The following SPIDR variants were observed in gnomAD, a reference collection of about 807,000 sequenced individuals.
The protein encoded by SPIDR is scaffold protein involved in DNA repair.
SPIDR carries 93 observed loss-of-function variants against 104.6 expected under a neutral mutation model. That is an observed-to-expected ratio of 0.89 (90% CI 0.75 to 1.06). SPIDR has a LOEUF of 1.06. Among genes scored for constraint, SPIDR ranks in the 50% least tolerant of loss-of-function variants. The pLI, the probability that SPIDR is intolerant of heterozygous loss-of-function variation, is 0.00. For synonymous variants in SPIDR, 431 were observed against 416.9 expected, an observed-to-expected ratio of 1.03 and a Z score of -0.41; for missense variants, 1,154 against 1,111.2, an observed-to-expected ratio of 1.04 and a Z score of -0.55.
At chr8:47,467,121 GGAT>G (rs2074992585) in intron 8 of SPIDR, among the ~76,000 whole-genome samples, 1 of 151,904 alleles carries the variant, frequency 6.6e-6, no homozygotes, top group South Asian at 2.1e-4. Flanking sequence ...TAGAGGGAAT[GGAT>G]AAATTCCTGG....
intron 8 of SPIDR, among the ~76,000 whole-genome samples, chr8:47,564,587 G>A (rs1222404080): frequency 1.3e-5 from 2 of 151,860 alleles, no homozygotes. Flanking sequence ...GGCTGAGGCA[G>A]GAGAATCTCT....
chr8:47,538,463 G>T (rs2087381239), intron 8 of SPIDR, among the ~76,000 whole-genome samples: 1 of 152,132 alleles, frequency 6.6e-6, no homozygotes, highest in South Asian at 2.1e-4. Context: ...AGAATTGCTT[G>T]AACCTGGGAG....
chr8:47,354,426 A>T (rs2054136910), intron 5 of SPIDR, among the ~76,000 whole-genome samples: 1 of 151,792 alleles, frequency 6.6e-6, no homozygotes, highest in South Asian at 2.1e-4. Context: ...GAGCTTATTG[A>T]TCACTCATTT....
intron 8 of SPIDR, among the ~76,000 whole-genome samples, chr8:47,516,082 T>TC (rs2083094879): frequency 6.6e-6 from 1 of 152,232 alleles, no homozygotes; most frequent in East Asian, 1.9e-4. Context: ...GTGCTGGGAT[T>TC]ACAGGCGTGA....
intron 10 of SPIDR, among the ~76,000 whole-genome samples, chr8:47,608,670 T>G (rs1278669215): frequency 6.6e-6 from 1 of 152,236 alleles, no homozygotes; most frequent in Non-Finnish European, 1.5e-5. Context: ...GGTATCTCAT[T>G]GTGGCTTTGA....
chr8:47,522,033 A>G (rs1169899904), intron 8 of SPIDR, among the ~76,000 whole-genome samples: 1 of 151,948 alleles, frequency 6.6e-6, no homozygotes, highest in Non-Finnish European at 1.5e-5. Context: ...GCATGGTGGC[A>G]GGTGCCTGTA....
At chr8:47,428,891 C>T (rs1451072305) in intron 7 of SPIDR, among the ~76,000 whole-genome samples, 1 of 152,164 alleles carries the variant, frequency 6.6e-6, no homozygotes, top group Non-Finnish European at 1.5e-5. Context: ...TGGATTATCT[C>T]CAGCTTCCCT....
intron 8 of SPIDR, among the ~76,000 whole-genome samples, chr8:47,586,163 T>G (rs1274139892): frequency 6.6e-6 from 1 of 152,216 alleles, no homozygotes; most frequent in Non-Finnish European, 1.5e-5. Context: ...GTTGCCAGTT[T>G]GGGACTATTA....
chr8:47,507,072 C>T (rs1407107821), intron 8 of SPIDR, among the ~76,000 whole-genome samples: 1 of 152,186 alleles, frequency 6.6e-6, no homozygotes, highest in Non-Finnish European at 1.5e-5. Context: ...AGAGCCTTCT[C>T]TCCAGTAAGC....
chr8:47,460,284 C>T (rs1266817250), intron 8 of SPIDR, among the ~76,000 whole-genome samples: 1 of 152,004 alleles, frequency 6.6e-6, no homozygotes, highest in Non-Finnish European at 1.5e-5. Flanking sequence ...TTACTTATGT[C>T]TAGTAGTAAT....
intron 5 of SPIDR, among the ~76,000 whole-genome samples, chr8:47,362,024 T>C (rs573042826): frequency 4.6e-5 from 7 of 152,312 alleles, no homozygotes; most frequent in African/African-American, 1.7e-4. Flanking sequence ...GTATCCACAG[T>C]GAGCCCAGCA....
intron 16 of SPIDR, among the ~76,000 whole-genome samples, chr8:47,725,078 A>G (rs968011916): frequency 1.1e-4 from 16 of 152,198 alleles, no homozygotes; most frequent in Non-Finnish European, 1.6e-4. Context: ...GTGAGCCCTG[A>G]CTTCTTTCCA....
At chr8:47,441,862 CA>C (rs1554697440) in intron 8 of SPIDR, among the ~76,000 whole-genome samples, 1 of 151,896 alleles carries the variant, frequency 6.6e-6, no homozygotes, top group East Asian at 1.9e-4. Context: ...TATTTTTTTC[CA>C]AATGGCCACG....
chr8:47,346,600 A>C (rs971771752), intron 5 of SPIDR, among the ~76,000 whole-genome samples: 1 of 152,098 alleles, frequency 6.6e-6, no homozygotes, highest in Admixed American at 6.5e-5. Context: ...CTGGTCCTGG[A>C]CTTTTTTTGC....
chr8:47,680,573 G>A (rs920680714), intron 11 of SPIDR, among the ~76,000 whole-genome samples: 5 of 152,192 alleles, frequency 3.3e-5, no homozygotes, highest in African/African-American at 9.7e-5. Context: ...AGAGCTCTCC[G>A]TGGGTAAGAA....
At chr8:47,350,106 A>T (rs1249771944) in intron 5 of SPIDR, among the ~76,000 whole-genome samples, 2 of 152,194 alleles carry the variant, frequency 1.3e-5, no homozygotes, top group African/African-American at 4.8e-5. Flanking sequence ...TCTTGGAATG[A>T]TCGGGTTTTT....
chr8:47,609,415 G>T (rs1483613344), intron 10 of SPIDR, among the ~76,000 whole-genome samples: 3 of 152,142 alleles, frequency 2.0e-5, no homozygotes, highest in Admixed American at 6.5e-5. Flanking sequence ...GAGTTAATTT[G>T]TGTGTATGGT....
At chr8:47,303,212 G>A (rs2042505923) in intron 5 of SPIDR, among the ~76,000 whole-genome samples, 2 of 152,216 alleles carry the variant, frequency 1.3e-5, no homozygotes. Context: ...CTAGCAATGA[G>A]CGAGGCTCCG....
chr8:47,325,135 TATAA>T (rs2047443570), intron 5 of SPIDR, among the ~76,000 whole-genome samples: 1 of 152,200 alleles, frequency 6.6e-6, no homozygotes, highest in Non-Finnish European at 1.5e-5. Context: ...CAATTTAGCC[TATAA>T]TAGTGCTATA....
Sources: gnomAD v4.1 joint callset for allele counts (sites outside exome capture counted in the v4.1 genomes callset) on GRCh38, gnomAD v4.1.1 for gene constraint, MANE v1.5 for transcripts, NCBI Gene and HGNC (gene_info 2026-07-23, HGNC 2026-07-21) for gene names.